AKAP19: variants seen among roughly 807,000 people sequenced by gnomAD.
AKAP19 encodes small A-kinase anchoring protein.
the AKAP19 span, among the ~76,000 whole-genome samples, chr2:189,990,711 ATTTAT>A: frequency 1.3e-5 from 2 of 152,046 alleles, no homozygotes; most frequent in African/African-American, 4.8e-5. Flanking sequence ...TTTAAAAATT[ATTTAT>A]TTTATTTCAA....
chr2:189,933,811 T>C, the AKAP19 span, among the ~76,000 whole-genome samples: 1 of 152,178 alleles, frequency 6.6e-6, no homozygotes, highest in Non-Finnish European at 1.5e-5. Flanking sequence ...TATTTCTTTG[T>C]TAATATTTGA....
At chr2:190,068,878 C>T in the AKAP19 span, among the ~76,000 whole-genome samples, 1 of 152,090 alleles carries the variant, frequency 6.6e-6, no homozygotes, top group African/African-American at 2.4e-5. Flanking sequence ...CAGTAGTTCT[C>T]CAGTGGAGCA....
chr2:190,012,429 G>A, the AKAP19 span, among the ~76,000 whole-genome samples: 1 of 151,880 alleles, frequency 6.6e-6, no homozygotes, highest in Non-Finnish European at 1.5e-5. Context: ...ATAGTTTGTT[G>A]TTAGTGTATA....
chr2:189,940,258 G>A, the AKAP19 span, among the ~76,000 whole-genome samples: 16 of 134,478 alleles, frequency 1.2e-4, no homozygotes, highest in African/African-American at 4.4e-4. Context: ...TGGCTTGGGC[G>A]ACAGAGCAAG....
the AKAP19 span, among the ~76,000 whole-genome samples, chr2:190,144,782 G>A: frequency 6.6e-6 from 1 of 152,004 alleles, no homozygotes; most frequent in African/African-American, 2.4e-5. Flanking sequence ...TTCGAGACCA[G>A]CCTGACTAAC....
At chr2:190,083,941 C>T in the AKAP19 span, among the ~76,000 whole-genome samples, 2 of 152,144 alleles carry the variant, frequency 1.3e-5, no homozygotes, top group African/African-American at 4.8e-5. Context: ...GACTTCAAGC[C>T]TAGGTTTGAG....
At chr2:190,196,224 T>G in the AKAP19 span, among the ~76,000 whole-genome samples, 1 of 152,092 alleles carries the variant, frequency 6.6e-6, no homozygotes, top group Non-Finnish European at 1.5e-5. Flanking sequence ...ACTTGCATTA[T>G]CTCTTTAGTG....
the AKAP19 span, among the ~76,000 whole-genome samples, chr2:189,952,507 T>G: frequency 2.0e-5 from 3 of 152,334 alleles, no homozygotes; most frequent in Admixed American, 1.3e-4. Flanking sequence ...TTTGGAATTC[T>G]AAGCAAGAAT....
chr2:190,147,442 C>T, the AKAP19 span, among the ~76,000 whole-genome samples: 5 of 152,020 alleles, frequency 3.3e-5, no homozygotes, highest in African/African-American at 1.2e-4. Context: ...TGTGATGCCT[C>T]ATTTGTTCTT....
chr2:190,180,044 A>G, the AKAP19 span, among the ~76,000 whole-genome samples: 40 of 152,344 alleles, frequency 2.6e-4, no homozygotes, highest in African/African-American at 9.6e-4. This position sits in a 1 kb window ranked among gnomAD's most constrained non-coding sequence, Gnocchi z 6.8. Flanking sequence ...CTTTAGAGAT[A>G]CTTTGTTTGA....
chr2:190,116,928 TG>T, the AKAP19 span, among the ~76,000 whole-genome samples: 2 of 152,350 alleles, frequency 1.3e-5, no homozygotes, highest in Non-Finnish European at 2.9e-5. Context: ...TAGATCCAGC[TG>T]AAGAGAGGCA....
the AKAP19 span, among the ~76,000 whole-genome samples, chr2:190,015,332 A>G: frequency 6.6e-6 from 1 of 152,092 alleles, no homozygotes; most frequent in Non-Finnish European, 1.5e-5. Context: ...TGGGCCCAAC[A>G]CCACATGTAA....
the AKAP19 span, among the ~76,000 whole-genome samples, chr2:190,036,181 A>C: frequency 6.6e-6 from 1 of 152,216 alleles, no homozygotes; most frequent in African/African-American, 2.4e-5. Context: ...AGATTCACTG[A>C]GGCAACTATC....
the AKAP19 span, among the ~76,000 whole-genome samples, chr2:190,185,923 G>T: frequency 6.6e-6 from 1 of 152,154 alleles, no homozygotes; most frequent in Non-Finnish European, 1.5e-5. Flanking sequence ...CGTTCCAAGG[G>T]AAGTTCTAGA....
the AKAP19 span, among the ~76,000 whole-genome samples, chr2:189,902,061 T>C: frequency 6.6e-6 from 1 of 152,092 alleles, no homozygotes; most frequent in African/African-American, 2.4e-5. Flanking sequence ...GATGAGTCTA[T>C]TATATTAGAA....
At chr2:190,037,118 T>G in the AKAP19 span, among the ~76,000 whole-genome samples, 1 of 152,248 alleles carries the variant, frequency 6.6e-6, no homozygotes, top group African/African-American at 2.4e-5. Flanking sequence ...AGAGCGGAAA[T>G]GGCTCAACTG....
the AKAP19 span, among the ~76,000 whole-genome samples, chr2:189,987,231 A>G: frequency 6.6e-6 from 1 of 152,226 alleles, no homozygotes; most frequent in East Asian, 1.9e-4. Context: ...TGGGTTTATG[A>G]GGGGGTTTCT....
chr2:190,184,435 G>A, the AKAP19 span, among the ~76,000 whole-genome samples: 1 of 152,198 alleles, frequency 6.6e-6, no homozygotes, highest in East Asian at 1.9e-4. Context: ...ATAGGCACAT[G>A]GATAGTTGAT....
At chr2:190,034,479 G>A in the AKAP19 span, among the ~76,000 whole-genome samples, 11 of 130,130 alleles carry the variant, frequency 8.5e-5, no homozygotes, top group African/African-American at 2.8e-4. Flanking sequence ...CCAGGGAAAA[G>A]TAGGGCAGGA....
Sources: gnomAD v4.1 joint callset for allele counts (sites outside exome capture counted in the v4.1 genomes callset) on GRCh38, gnomAD v4.1.1 for gene constraint, Gnocchi (gnomAD v3.1) non-coding constraint, MANE v1.5 for transcripts, NCBI Gene and HGNC (gene_info 2026-07-23, HGNC 2026-07-21) for gene names.